Variants in NAALADL2 observed in about 807,000 individuals in gnomAD.
The protein encoded by NAALADL2 is N-acetylated alpha-linked acidic dipeptidase like 2, also known as inactive N-acetylated-alpha-linked acidic dipeptidase-like protein 2.
NAALADL2 carries 76 observed loss-of-function variants against 87.2 expected under a neutral mutation model. The observed-to-expected ratio is 0.87, with a 90% CI of 0.72 to 1.05. The LOEUF (loss-of-function observed/expected upper bound fraction) is 1.05. Ranked by LOEUF, NAALADL2 falls within the 50% of genes least tolerant of loss-of-function variation. The probability of loss-of-function intolerance (pLI) is 0.00; values close to 1 mark genes in which losing one functional copy is unlikely to be tolerated. For missense variants in NAALADL2, 1,089 were observed against 945.8 expected (o/e 1.15, Z -1.99); for synonymous variants, 354 against 331.0 (o/e 1.07, Z -0.75).
At chr3:175,460,056 G>A in intron 6 of NAALADL2, 1 of 432,090 alleles carries the variant, frequency 2.3e-6, no homozygotes, top group Non-Finnish European at 4.6e-6. Flanking sequence ...TTATACTACA[G>A]AGAGTTGAAT....
chr3:175,799,967 C>T (rs191906565), intron 13 of NAALADL2, among the ~76,000 whole-genome samples: 16 of 152,144 alleles, frequency 1.1e-4, no homozygotes, highest in Admixed American at 7.2e-4. Flanking sequence ...CAAAATTTTC[C>T]GAGTATACAG....
chr3:174,913,655 C>T (rs545255485), intron 1 of NAALADL2, among the ~76,000 whole-genome samples: 3 of 152,046 alleles, frequency 2.0e-5, no homozygotes, highest in Non-Finnish European at 2.9e-5. Flanking sequence ...ATTATTTTAC[C>T]GATTTGGTTA....
rs577311592 is a variant in NAALADL2 at position 175,026,114 on chromosome 3, T to A, written c.44-70676T>A. 2.0e-5 allele frequency among the ~76,000 whole-genome samples: 3 copies of A among 152,264 alleles called. No homozygotes were observed. The South Asian group carries it at 6.2e-4, about 32-fold the overall frequency. ...GCATAAGCCACTGTACCTGGCTGTT[T>A]AGCCATCCTAACAAATGAATTATTA... is the stretch of plus-strand genomic sequence containing the variant. On this transcript the variant is annotated intron_variant, in intron 1 of 13. Coordinates refer to ENST00000454872, the MANE Select transcript of NAALADL2 (RefSeq NM_207015.3).
intron 5 of NAALADL2, among the ~76,000 whole-genome samples, chr3:175,378,397 C>A (rs1396040395): frequency 6.6e-6 from 1 of 152,222 alleles, no homozygotes; most frequent in Non-Finnish European, 1.5e-5. Context: ...GCAAAGGGGT[C>A]AAGTAAATAT....
intron 1 of NAALADL2, among the ~76,000 whole-genome samples, chr3:174,482,575 T>C (rs931068564): frequency 2.6e-5 from 4 of 152,082 alleles, no homozygotes; most frequent in Admixed American, 6.6e-5. Flanking sequence ...ATCTGGTTTA[T>C]AGATTTTTGT....
chr3:175,783,016 A>G (rs1751378986), intron 13 of NAALADL2, among the ~76,000 whole-genome samples: 1 of 149,208 alleles, frequency 6.7e-6, no homozygotes, highest in African/African-American at 2.5e-5. Context: ...AGATAGTTGT[A>G]GATATGCAGC....
At chr3:175,181,718 T>TATATGC (rs1560128848) in intron 2 of NAALADL2, among the ~76,000 whole-genome samples, 17 of 72,410 alleles carry the variant, frequency 2.3e-4, no homozygotes, top group South Asian at 9.9e-4. Flanking sequence ...TGTGTGTGTG[T>TATATGC]ATATATATGT....
chr3:174,677,479 G>A (rs982831907), intron 2 of NAALADL2, among the ~76,000 whole-genome samples: 2 of 151,936 alleles, frequency 1.3e-5, no homozygotes, highest in African/African-American at 4.8e-5. Flanking sequence ...CAGTGCTTCT[G>A]TGAACATTCT....
intron 5 of NAALADL2, among the ~76,000 whole-genome samples, chr3:175,355,020 A>ATGTGTGTGTGTG (rs1325977007): frequency 4.1e-3 from 414 of 100,586 alleles, no homozygotes; most frequent in African/African-American, 0.016. Flanking sequence ...TGCTATATAT[A>ATGTGTGTGTGTG]TATGTGTGTG....
At chr3:175,568,388 G>T (rs1388838610) in intron 9 of NAALADL2, among the ~76,000 whole-genome samples, 2 of 152,066 alleles carry the variant, frequency 1.3e-5, no homozygotes, top group African/African-American at 4.8e-5. Context: ...TGCGTAGTTT[G>T]TTACAACTAG....
intron 3 of NAALADL2, among the ~76,000 whole-genome samples, chr3:174,797,305 C>CTTTTTTTTTTTTTTTTTTT (rs1160338109): frequency 6.9e-4 from 50 of 72,708 alleles, no homozygotes; most frequent in African/African-American, 1.3e-3. Flanking sequence ...TTTCTTTTTT[C>CTTTTTTTTTTTTTTTTTTT]TTTTTTTTTT....
At chr3:174,883,050 G>A (rs1056866404) in intron 1 of NAALADL2, among the ~76,000 whole-genome samples, 3 of 151,932 alleles carry the variant, frequency 2.0e-5, no homozygotes, top group South Asian at 2.1e-4. Flanking sequence ...CTTGGAGTCC[G>A]ATGTTCAAGG....
At chr3:174,873,109 C>T (rs1728045352) in intron 1 of NAALADL2, among the ~76,000 whole-genome samples, 1 of 152,028 alleles carries the variant, frequency 6.6e-6, no homozygotes, top group African/African-American at 2.4e-5. Context: ...ATGTAATTCC[C>T]TAATAGTGGC....
intron 2 of NAALADL2, among the ~76,000 whole-genome samples, chr3:175,101,921 A>T (rs1049801516): frequency 9.7e-5 from 14 of 144,872 alleles, no homozygotes; most frequent in African/African-American, 3.9e-4. Context: ...ACAGAAAATT[A>T]TAAAGAATAA....
Position 174,631,515 on chromosome 3 carries a change from C to T in NAALADL2, c.-115+80878C>T, listed in dbSNP as rs559858749. Among the ~76,000 whole-genome samples, 215 of 152,192 alleles carry T rather than the reference C, an allele frequency of 1.4e-3. 1 individual carries two copies. The highest frequency in any genetic ancestry group is 4.9e-3 in the African/African-American group (202 of 41,508). On this transcript the variant is annotated intron_variant, in intron 2 of 3. Transcript: ENST00000434257. ...TGTTAACTAATCTTTGCTTGTGGCT[C>T]TCATTATTGTTTGAAAGCAGGAAAA...
At chr3:174,692,399 C>A (rs1287479592) in intron 2 of NAALADL2, among the ~76,000 whole-genome samples, 1 of 152,204 alleles carries the variant, frequency 6.6e-6, no homozygotes, top group African/African-American at 2.4e-5. Flanking sequence ...GCATTAGTCT[C>A]TGTTCCTACT....
intron 10 of NAALADL2, among the ~76,000 whole-genome samples, chr3:175,614,396 T>C (rs1395441955): frequency 2.0e-5 from 3 of 152,240 alleles, no homozygotes; most frequent in Non-Finnish European, 2.9e-5. Flanking sequence ...TAGTATTTAT[T>C]TTTGAATGAC....
chr3:174,873,379 T>C (rs1057268803), intron 1 of NAALADL2, among the ~76,000 whole-genome samples: 2 of 151,932 alleles, frequency 1.3e-5, no homozygotes, highest in Non-Finnish European at 2.9e-5. Flanking sequence ...CTCAGCCTCC[T>C]GAGTAGCTGG....
chr3:175,600,651 C>G (rs1427608777), intron 10 of NAALADL2, among the ~76,000 whole-genome samples: 1 of 147,902 alleles, frequency 6.8e-6, no homozygotes, highest in African/African-American at 2.5e-5. Context: ...CATTCTCCTG[C>G]CTCAGCCTCC....
Sources: allele counts gnomAD v4.1 joint callset (sites outside exome capture counted in the v4.1 genomes callset), GRCh38; gene constraint gnomAD v4.1.1; transcripts MANE v1.5; gene names NCBI Gene and HGNC (gene_info 2026-07-23, HGNC 2026-07-21).